ERBB4: variants seen among roughly 807,000 people sequenced by gnomAD.
ERBB4 encodes the protein receptor tyrosine-protein kinase erbB-4.
In ERBB4, 42 loss-of-function variants were observed where a neutral mutation model predicts 158.0. The ratio of observed to expected loss-of-function variants is 0.27; its 90% CI spans 0.21 to 0.34. The LOEUF is 0.34. ERBB4 is among the 10% of genes least tolerant of loss of function. The pLI, the probability that ERBB4 is intolerant of heterozygous loss-of-function variation, is 1.00. For synonymous variants in ERBB4, 583 were observed against 558.7 expected (o/e 1.04, Z -0.61); for missense variants, 1,333 against 1,624.1 (o/e 0.82, Z 3.08).
intron 2 of ERBB4, among the ~76,000 whole-genome samples, chr2:212,094,979 C>G (rs1357341071): frequency 6.8e-6 from 1 of 147,280 alleles, no homozygotes; most frequent in African/African-American, 2.4e-5. Flanking sequence ...TGAAATTCCT[C>G]AGCACAATTA....
chr2:212,466,758 A>C (rs906972562), intron 1 of ERBB4, among the ~76,000 whole-genome samples: 1 of 152,236 alleles, frequency 6.6e-6, no homozygotes, highest in African/African-American at 2.4e-5. Context: ...AAGATACCCC[A>C]AAATGTGGAA....
At chr2:211,703,736 C>T (rs1203088421) in intron 11 of ERBB4, among the ~76,000 whole-genome samples, 1 of 152,128 alleles carries the variant, frequency 6.6e-6, no homozygotes. Flanking sequence ...AACAGAACCT[C>T]CTGGCACAAC....
intron 13 of ERBB4, among the ~76,000 whole-genome samples, chr2:211,674,703 A>G (rs922758043): frequency 3.9e-5 from 6 of 152,176 alleles, no homozygotes; most frequent in African/African-American, 1.4e-4. Flanking sequence ...GTCCAAATGA[A>G]TTGGTATGGG....
At position 211,694,887 on chromosome 2, in the gene ERBB4, G is replaced by A. The variant is rs188652242; in HGVS notation, c.1489+7080C>T. Among the ~76,000 whole-genome samples the A allele has an allele frequency of 4.2e-4, 64 of 152,238 alleles. 2 individuals are homozygous for A. The South Asian group carries it at 0.013, about 31-fold the overall frequency. ...ACAAATTAAAGGTGAAAGTATGGGA[G>A]CAGGAGAAAGTAAGAAAATCTGCCA... is the stretch of plus-strand genomic sequence containing the variant. On this transcript the variant is annotated intron_variant, in intron 12 of 27. Transcript: ENST00000342788.
At chr2:212,023,080 C>T (rs1295229878) in intron 2 of ERBB4, among the ~76,000 whole-genome samples, 1 of 152,060 alleles carries the variant, frequency 6.6e-6, no homozygotes, top group Admixed American at 6.6e-5. Context: ...AGATCTCTGT[C>T]ATGGAATATC....
At chr2:211,534,288 A>G (rs1162564067) in intron 20 of ERBB4, among the ~76,000 whole-genome samples, 1 of 152,108 alleles carries the variant, frequency 6.6e-6, no homozygotes, top group Non-Finnish European at 1.5e-5. Context: ...ATTCAAAGGG[A>G]TAACAGATAA....
At chr2:211,735,802 C>T (rs999054574) in intron 5 of ERBB4, among the ~76,000 whole-genome samples, 2 of 151,910 alleles carry the variant, frequency 1.3e-5, no homozygotes, top group African/African-American at 4.8e-5. Context: ...TGAGTATATA[C>T]AGAAGAATAT....
At chr2:212,206,242 G>A (rs752142499) in intron 1 of ERBB4, among the ~76,000 whole-genome samples, 10 of 152,080 alleles carry the variant, frequency 6.6e-5, no homozygotes, top group Non-Finnish European at 1.3e-4. Flanking sequence ...GACACAAGCT[G>A]GGGAGGGTGC....
At position 211,639,579 on chromosome 2, in the gene ERBB4, T is replaced by C. The variant is rs113482377; in HGVS notation, c.1947-8985A>G. Among the ~76,000 whole-genome samples, 633 of 152,342 alleles carry C rather than the reference T, an allele frequency of 4.2e-3. 5 individuals are homozygous for C. Among genetic ancestry groups the C allele is most frequent in the African/African-American group, 0.014 (578 of 41,570 alleles). On this transcript the variant is annotated intron_variant, in intron 16 of 27. Transcript: ENST00000342788. ...TCATTCTATGCACTATAATTTCAGA[T>C]AATTAGTTGTTAACAGAGAATATAT...
At chr2:212,193,881 T>C (rs532935974) in intron 1 of ERBB4, among the ~76,000 whole-genome samples, 2 of 152,082 alleles carry the variant, frequency 1.3e-5, no homozygotes, top group Non-Finnish European at 2.9e-5. Context: ...TGGTAGACTT[T>C]CAAGACTGTT....
intron 15 of ERBB4, among the ~76,000 whole-genome samples, chr2:211,660,190 T>C (rs1014050418): frequency 6.6e-6 from 1 of 152,194 alleles, no homozygotes; most frequent in Non-Finnish European, 1.5e-5. Flanking sequence ...AAAATCACTG[T>C]AGGGCTTTAA....
chr2:211,802,243 A>T (rs1332315045), intron 3 of ERBB4, among the ~76,000 whole-genome samples: 1 of 145,234 alleles, frequency 6.9e-6, no homozygotes, highest in African/African-American at 2.6e-5. Flanking sequence ...TGGGCGAAAG[A>T]GCGAGACTCA....
chr2:211,700,648 A>G (rs1164071386), intron 12 of ERBB4, among the ~76,000 whole-genome samples: 1 of 152,188 alleles, frequency 6.6e-6, no homozygotes, highest in East Asian at 1.9e-4. Flanking sequence ...AACTCAATAA[A>G]CAAATTATGT....
intron 20 of ERBB4, among the ~76,000 whole-genome samples, chr2:211,435,099 C>G (rs2063821464): frequency 6.6e-6 from 1 of 152,164 alleles, no homozygotes; most frequent in Admixed American, 6.5e-5. Context: ...GAGTGTCATG[C>G]AACTAAGGTG....
chr2:211,745,721 AAACAAAAAC>A (rs1475366315), intron 5 of ERBB4, among the ~76,000 whole-genome samples: 1 of 122,556 alleles, frequency 8.2e-6, no homozygotes, highest in African/African-American at 2.8e-5. Flanking sequence ...GCCAGAAAAA[AAACAAAAAC>A]AAAACAAAAA....
intron 3 of ERBB4, among the ~76,000 whole-genome samples, chr2:211,865,486 T>C (rs12995958): frequency 0.32 from 47,964 of 151,986 alleles, 8,194 homozygotes; most frequent in South Asian, 0.41. Flanking sequence ...ATTATATCTT[T>C]TATTTTTATT....
At position 212,538,456 on chromosome 2, in the gene ERBB4, A is replaced by G. The variant is rs769313938; in HGVS notation, c.75T>C (p.Ser25=). 2 of 1,613,862 alleles carry G rather than the reference A, an allele frequency of 1.2e-6. No homozygotes were observed. ...VAAGTVQPSD[S]QSVCAGTENK... The stretch of plus-strand genomic sequence containing the variant: ...GTGCCAGAAGGAACCCACCTGACTG[A>G]GAATCGCTGGGCTGGACGGTCCCCG... Residue 25 remains serine (S), a synonymous_variant, in exon 1 of 28, where the codon TCT becomes TCC. Transcript: ENST00000342788.
chr2:211,783,667 C>T (rs1044690310), intron 4 of ERBB4, among the ~76,000 whole-genome samples: 4 of 152,108 alleles, frequency 2.6e-5, no homozygotes, highest in African/African-American at 7.2e-5. Flanking sequence ...TGCTGGATTA[C>T]GTTTATTGAT....
intron 1 of ERBB4, among the ~76,000 whole-genome samples, chr2:212,125,874 G>A (rs765644291): frequency 4.6e-5 from 7 of 152,164 alleles, no homozygotes; most frequent in Non-Finnish European, 8.8e-5. Flanking sequence ...GTGCTGCAGT[G>A]AGCATAAACG....
Sources: allele counts gnomAD v4.1 joint callset (sites outside exome capture counted in the v4.1 genomes callset), GRCh38; gene constraint gnomAD v4.1.1; transcripts MANE v1.5; gene names NCBI Gene and HGNC (gene_info 2026-07-23, HGNC 2026-07-21).